The following SEPTIN9 variants were observed in gnomAD, a reference collection of about 807,000 sequenced individuals.
The protein encoded by SEPTIN9 is septin 9.
A neutral mutation model predicts 56.6 loss-of-function variants in SEPTIN9; 13 were observed. The observed-to-expected ratio is 0.23, with a 90% confidence interval of 0.15 to 0.37. The LOEUF (loss-of-function observed/expected upper bound fraction) is 0.37, where lower values mean the gene tolerates loss of function less well. SEPTIN9 is among the 10% of genes least tolerant of loss of function. SEPTIN9 has a pLI of 1.00. For missense variants in SEPTIN9, 650 were observed against 823.1 expected, an observed-to-expected ratio of 0.79 and a Z score of 2.57; for synonymous variants, 332 against 334.1, an observed-to-expected ratio of 0.99 and a Z score of 0.07.
At chr17:77,480,470 G>A (rs1433380002) in intron 3 of SEPTIN9, among the ~76,000 whole-genome samples, 2 of 152,368 alleles carry the variant, frequency 1.3e-5, no homozygotes, top group East Asian at 1.9e-4. Context: ...TTCTTGCCCC[G>A]CAAGTGGAAG....
chr17:77,334,571 G>A (rs1160203896), intron 2 of SEPTIN9, among the ~76,000 whole-genome samples: 1 of 151,662 alleles, frequency 6.6e-6, no homozygotes, highest in Admixed American at 6.6e-5. Flanking sequence ...ATGAGCAAGA[G>A]TATTTTGTTT....
rs1372642686 is a variant in SEPTIN9, at chr17:77,310,966, C to T, written c.76+3769C>T. Among the ~76,000 whole-genome samples the T allele has an allele frequency of 6.6e-6, 1 of 152,100 alleles. No homozygotes were observed. Among genetic ancestry groups the T allele is most frequent in the African/African-American group, 2.4e-5 (1 of 41,414 alleles). On this transcript the variant is annotated intron_variant, in intron 2 of 11. Coordinates refer to ENST00000427177, the MANE Select transcript of SEPTIN9 (RefSeq NM_001113491.2). The surrounding 1 kb of genome is among the most constrained non-coding windows in gnomAD (Gnocchi z 4.7). The stretch of plus-strand genomic sequence containing the variant: ...TCTGTCCTAGGTTGAACCGTGTCCC[C>T]CACAAACTCATGTCCACCAAAAACC...
chr17:77,463,772 G>A (rs1302819765), intron 3 of SEPTIN9, among the ~76,000 whole-genome samples: 9 of 152,048 alleles, frequency 5.9e-5, no homozygotes, highest in Non-Finnish European at 1.2e-4. Context: ...GAACCCGGGA[G>A]GCAGAGGTTG....
Position 77,373,452 on chromosome 17 carries a change from C to A in SEPTIN9, c.77-28607C>A, listed in dbSNP as rs1427017247. 2.0e-6 allele frequency: 3 copies of A among 1,492,606 alleles called. No homozygotes were observed. In the African/African-American group the frequency reaches 4.4e-5, roughly 22 times the overall value. 92.5% of individuals were successfully genotyped at this position (1,492,606 alleles called of 1,614,324 possible). On this transcript the variant is annotated intron_variant, in intron 2 of 11. Transcript: ENST00000427177. ...CAGGGCCCGGGCCCCGCCGGGGGCG[C>A]TTCCTCGCCGCTGCCCTCCGCGCGA... is the stretch of plus-strand genomic sequence containing the variant.
chr17:77,300,865 C>T (rs1336007792), intron 1 of SEPTIN9, among the ~76,000 whole-genome samples: 3 of 109,562 alleles, frequency 2.7e-5, no homozygotes, highest in Admixed American at 2.7e-4. Flanking sequence ...AAACCGCCCC[C>T]ATCCCAGCTC....
Position 77,330,688 on chromosome 17 carries a change from C to T in SEPTIN9, c.76+23491C>T, listed in dbSNP as rs2143705361. Among the ~76,000 whole-genome samples, 1 of 152,338 alleles carries T rather than the reference C, an allele frequency of 6.6e-6. No individual in the cohort carries two copies. Among genetic ancestry groups the T allele is most frequent in the South Asian group, 2.1e-4 (1 of 4,832 alleles). On this transcript the variant is annotated intron_variant, in intron 2 of 11. Transcript: ENST00000427177. This position sits in a 1 kb window ranked among gnomAD's most constrained non-coding sequence, Gnocchi z 4.4. ...GCCTGCTGTCAGGAGCCTCGCTTGC[C>T]TCTCAGAGAGCACATGGCTTGACCA...
At position 77,456,765 on chromosome 17, in the gene SEPTIN9, G is replaced by A. The variant is rs1387239382; in HGVS notation, c.722-25379G>A. 1.3e-4 allele frequency among the ~76,000 whole-genome samples: 20 copies of A among 152,012 alleles called. No homozygotes were observed. Among genetic ancestry groups the A allele is most frequent in the Non-Finnish European group, 2.9e-5 (2 of 67,992 alleles). On this transcript the variant is annotated intron_variant, in intron 3 of 11. Transcript: ENST00000427177. This position sits in a 1 kb window ranked among gnomAD's most constrained non-coding sequence, Gnocchi z 6.0. ...ACCAGCACCGGGTACCCACAGCCAGGGACGGGTCCCCATGGCCAGTACCAG... is the reference window on the plus strand; with the variant it reads ...ACCAGCACCGGGTACCCACAGCCAGAGACGGGTCCCCATGGCCAGTACCAG...
intron 3 of SEPTIN9, among the ~76,000 whole-genome samples, chr17:77,403,596 T>TG: frequency 6.6e-6 from 1 of 152,126 alleles, no homozygotes; most frequent in Non-Finnish European, 1.5e-5. Flanking sequence ...GCAGGGATCG[T>TG]GGCTCCATGG....
intron 2 of SEPTIN9, among the ~76,000 whole-genome samples, chr17:77,388,880 C>T (rs146308756): frequency 8.5e-4 from 110 of 128,900 alleles, no homozygotes; most frequent in African/African-American, 2.9e-3. Context: ...GACAATGAGA[C>T]GAGGAGGGAG....
At chr17:77,490,299 A>AAGGGGAGCAGCCCGCCTGGTGC (rs535489702) in intron 7 of SEPTIN9, among the ~76,000 whole-genome samples, 2 of 152,144 alleles carry the variant, frequency 1.3e-5, no homozygotes, top group East Asian at 1.9e-4. Context: ...CCAAGCAGGC[A>AAGGGGAGCAGCCCGCCTGGTGC]AGGGGAGCAG....
chr17:77,305,076 C>A (rs1018251729), intron 1 of SEPTIN9, among the ~76,000 whole-genome samples: 33 of 152,164 alleles, frequency 2.2e-4, no homozygotes, highest in African/African-American at 8.0e-4. Context: ...CTGGCCCTTC[C>A]ATCCTTGCTT....
intron 1 of SEPTIN9, among the ~76,000 whole-genome samples, chr17:77,301,236 T>A (rs184263407): frequency 6.6e-6 from 1 of 152,216 alleles, no homozygotes; most frequent in African/African-American, 2.4e-5. Context: ...TATTATTTTT[T>A]AATAGAGATG....
Position 77,450,536 on chromosome 17 carries a change from G to A in SEPTIN9, c.722-31608G>A. 1.0e-6 allele frequency: 1 copy of A among 985,464 alleles called. No individual in the cohort carries two copies. Among genetic ancestry groups the A allele is most frequent in the Non-Finnish European group, 1.2e-6 (1 of 830,000 alleles). 61.0% of individuals were successfully genotyped at this position (985,464 alleles called of 1,614,324 possible). ...GCCCCTGCTGGGAGTGACTCACTTG[G>A]GTTCAGAGGTCGTGGCACTGAGATG... On this transcript the variant is annotated intron_variant, in intron 3 of 11. Transcript: ENST00000427177. This position sits in a 1 kb window ranked among gnomAD's most constrained non-coding sequence, Gnocchi z 6.0.
chr17:77,427,945 C>G (rs997379287), intron 3 of SEPTIN9, among the ~76,000 whole-genome samples: 3 of 152,230 alleles, frequency 2.0e-5, no homozygotes, highest in African/African-American at 7.2e-5. Flanking sequence ...AACCAGCGCC[C>G]CTCCCCAGGC....
At chr17:77,380,507 A>C (rs1441522790) in intron 2 of SEPTIN9, among the ~76,000 whole-genome samples, 1 of 151,942 alleles carries the variant, frequency 6.6e-6, no homozygotes, top group African/African-American at 2.4e-5. Flanking sequence ...ATATCCAGAA[A>C]ATCAAGGGGC....
intron 2 of SEPTIN9, among the ~76,000 whole-genome samples, chr17:77,399,159 C>T (rs974947573): frequency 6.6e-6 from 1 of 152,182 alleles, no homozygotes; most frequent in Non-Finnish European, 1.5e-5. Flanking sequence ...TGCATCCGCA[C>T]CGTAGACTCA....
chr17:77,489,302 C>T (rs2039928981), intron 7 of SEPTIN9, among the ~76,000 whole-genome samples: 1 of 152,210 alleles, frequency 6.6e-6, no homozygotes. Context: ...TCAGTGCTGG[C>T]CCCTTCCAGG....
At chr17:77,311,162 C>T (rs2032476168) in intron 2 of SEPTIN9, among the ~76,000 whole-genome samples, 1 of 151,962 alleles carries the variant, frequency 6.6e-6, no homozygotes, top group Non-Finnish European at 1.5e-5. Context: ...AAGGCAGGAG[C>T]AGATGATGGA....
At chr17:77,422,275 T>C (rs1043560048) in intron 3 of SEPTIN9, among the ~76,000 whole-genome samples, 3 of 152,128 alleles carry the variant, frequency 2.0e-5, no homozygotes, top group African/African-American at 4.8e-5. Context: ...TGGTCAGGCC[T>C]CTCGTGACAT....
Sources: allele counts gnomAD v4.1 joint callset (sites outside exome capture counted in the v4.1 genomes callset), GRCh38; gene constraint gnomAD v4.1.1; non-coding constraint Gnocchi (gnomAD v3.1); transcripts MANE v1.5; gene names NCBI Gene and HGNC (gene_info 2026-07-23, HGNC 2026-07-21).